CSTB: variants seen among roughly 807,000 people sequenced by gnomAD.
The protein encoded by CSTB is cystatin B.
CSTB carries 8 observed loss-of-function variants against 7.6 expected under a neutral mutation model. That is an observed-to-expected ratio of 1.05 (90% CI 0.62 to 1.89). CSTB has a LOEUF of 1.89. Among genes scored for constraint, CSTB ranks in the 40% most tolerant of loss-of-function variants. The pLI is 0.00. For missense variants in CSTB, 124 were observed against 126.4 expected (o/e 0.98, Z 0.09); for synonymous variants, 56 against 55.3 (o/e 1.01, Z -0.06).
In CSTB at chr21:43,776,294, G is replaced by A. The variant is rs2084010161; in HGVS notation, c.-25C>T. On this transcript the variant is annotated 5_prime_UTR_variant, in exon 1 of 3. Transcript: ENST00000291568. ...TCTTGGCGGCGACGGAGGGAATCTG[G>A]CGAGGGGACTCGGCGAGGGGACGCG... 5.3e-6 allele frequency: 8 copies of A among 1,522,720 alleles called. No individual in the cohort carries two copies. The highest frequency in any genetic ancestry group is 7.0e-6 in the Non-Finnish European group (8 of 1,135,506). 94.3% of individuals were successfully genotyped at this position (1,522,720 alleles called of 1,614,324 possible). A position where few individuals can be genotyped will look rare whatever the true frequency, so the allele number is the denominator to read the frequency against.
intron 1 of CSTB, chr21:43,775,263 C>T (rs2084004767): frequency 4.4e-6 from 1 of 228,926 alleles, no homozygotes; most frequent in East Asian, 1.1e-4. Context: ...TCGCCTGGAC[C>T]TGTTCTTGCT....
rs767258722 is a variant in CSTB at position 43,774,235 on chromosome 21, G to A, written c.264C>T (p.Asn88=). The part of the protein sequence containing the change: ...KPLTLSNYQT[N]KAKHDELTYF Reference sequence around the variant, plus strand: ...AGGTCAGCTCATCATGCTTGGCTTTGTTGGTCTGGTAGTTAGATAAGGTCA... The same window carrying A: ...AGGTCAGCTCATCATGCTTGGCTTTATTGGTCTGGTAGTTAGATAAGGTCA... Residue 88 remains asparagine (N), a synonymous_variant, in exon 3 of 3, where the codon AAC becomes AAT. Transcript: ENST00000291568. The A allele has an allele frequency of 1.4e-5, 22 of 1,614,110 alleles. No individual in the cohort carries two copies. The South Asian group carries it at 2.3e-4, about 17-fold the overall frequency.
chr21:43,775,658 G>C (rs1366876628), intron 1 of CSTB: 2 of 152,570 alleles, frequency 1.3e-5, no homozygotes, highest in Non-Finnish European at 2.9e-5. Context: ...CGAACTAGAT[G>C]AGGATATTGA....
chr21:43,775,627 T>A (rs919385880), intron 1 of CSTB: 1 of 152,348 alleles, frequency 6.6e-6, no homozygotes, highest in African/African-American at 2.4e-5. Context: ...CCTCTTGCAC[T>A]CTCTCTCATG....
chr21:43,774,113 G>C lies in CSTB; in HGVS notation c.*89C>G, dbSNP rs1437602567. ...CCAAGGGGCACAGCCCGGAGATGAA[G>C]CTTATTTTAGGATCACAAGTGCACG... On this transcript the variant is annotated 3_prime_UTR_variant, in exon 3 of 3. Coordinates refer to ENST00000291568, the MANE Select transcript of CSTB (RefSeq NM_000100.4). 1 of 1,574,834 alleles carries C rather than the reference G, an allele frequency of 6.3e-7. No individual in the cohort carries two copies. Among genetic ancestry groups the C allele is most frequent in the African/African-American group, 1.3e-5 (1 of 74,086 alleles).
intron 2 of CSTB, 134 bp from the exon 3 acceptor site, chr21:43,774,464 T>A: frequency 7.0e-7 from 1 of 1,434,942 alleles, no homozygotes; most frequent in East Asian, 2.3e-5. Flanking sequence ...ATCCCACACT[T>A]GTTTCCTTGG....
intron 1 of CSTB, 59 bp from the exon 2 acceptor site, chr21:43,774,818 G>C: frequency 7.8e-7 from 1 of 1,276,394 alleles, no homozygotes; most frequent in Middle Eastern, 1.9e-4. Flanking sequence ...CCTCCTGCTA[G>C]AGTAACTTGC....
chr21:43,775,230 A>C (rs13046607), intron 1 of CSTB: 129,903 of 243,972 alleles, frequency 0.53, 37,264 homozygotes, highest in South Asian at 0.74. Context: ...CAAAAACAAA[A>C]AAAAAAAACA....
chr21:43,775,155 G>A (rs1326532276), intron 1 of CSTB: 6 of 329,474 alleles, frequency 1.8e-5, no homozygotes, highest in Non-Finnish European at 3.0e-5. Flanking sequence ...CCTGGGAAGC[G>A]GAGGTTGCAG....
intron 1 of CSTB, chr21:43,775,005 C>T (rs2084003382): frequency 1.8e-6 from 1 of 542,160 alleles, no homozygotes; most frequent in Non-Finnish European, 3.3e-6. Context: ...GGGCGGATCA[C>T]TTGAGGTCAG....
At position 43,774,000 on chromosome 21, in the gene CSTB, G is replaced by C. The variant is rs900917625; in HGVS notation, c.*202C>G. ...TTGAAAATATTCTGAAAGTAATTAA[G>C]ATCACCTATTGGGAAGGAAAGAAAT... On this transcript the variant is annotated 3_prime_UTR_variant, in exon 3 of 3. Transcript: ENST00000291568. 9.5e-6 allele frequency: 6 copies of C among 631,596 alleles called. No individual in the cohort carries two copies. In the Admixed American group the frequency reaches 1.7e-4, roughly 18 times the overall value. 39.1% of individuals were successfully genotyped at this position (631,596 alleles called of 1,614,324 possible).
chr21:43,776,101 T>G (rs1254837367), intron 1 of CSTB, 103 bp downstream of exon 1: 1 of 1,109,214 alleles, frequency 9.0e-7, no homozygotes, highest in Non-Finnish European at 1.3e-6. Flanking sequence ...AGCCCAGGGG[T>G]GCGCAGCGGG....
At chr21:43,774,516 G>A (rs748279040) in intron 2 of CSTB, 142 bp downstream of exon 2, 44 of 1,130,392 alleles carry the variant, frequency 3.9e-5, no homozygotes, top group East Asian at 1.9e-4. Flanking sequence ...CTGAAAGGCC[G>A]ATGGACACAC....
chr21:43,775,115 C>T (rs758313880), intron 1 of CSTB: 1 of 357,392 alleles, frequency 2.8e-6, no homozygotes, highest in Non-Finnish European at 5.4e-6. Flanking sequence ...CCCAGCTACT[C>T]GGGAGGCTAA....
chr21:43,774,350 A>G lies in CSTB; in HGVS notation c.169-20T>C. 6.2e-7 allele frequency: 1 copy of G among 1,614,070 alleles called. No homozygotes were observed. Among genetic ancestry groups the G allele is most frequent in the Middle Eastern group, 1.7e-4 (1 of 6,056 alleles). ...GTGCACCTGGGAAGAGAGCGGAGTGAGCGAAGCCTCTGATCCCAAGTCACC... is the reference window on the plus strand; with the variant it reads ...GTGCACCTGGGAAGAGAGCGGAGTGGGCGAAGCCTCTGATCCCAAGTCACC... On this transcript the variant is annotated intron_variant, in intron 2 of 2. Coordinates refer to ENST00000291568, the MANE Select transcript of CSTB (RefSeq NM_000100.4).
In CSTB at chr21:43,776,281, C is replaced by T. The variant is rs779920568; in HGVS notation, c.-12G>A. The T allele has an allele frequency of 1.3e-4, 203 of 1,528,456 alleles. No homozygotes were observed. The highest frequency in any genetic ancestry group is 1.2e-3 in the Middle Eastern group (7 of 5,868). 94.7% of individuals were successfully genotyped at this position (1,528,456 alleles called of 1,614,324 possible). Reference sequence around the variant, plus strand: ...GCCCCGCACATCATCTTGGCGGCGACGGAGGGAATCTGGCGAGGGGACTCG... The same window carrying T: ...GCCCCGCACATCATCTTGGCGGCGATGGAGGGAATCTGGCGAGGGGACTCG... On this transcript the variant is annotated 5_prime_UTR_variant, in exon 1 of 3. Coordinates refer to ENST00000291568, the MANE Select transcript of CSTB (RefSeq NM_000100.4).
rs6379 is a variant in CSTB, at chr21:43,774,995, G to T, written c.67-236C>A. ...TCCCAGAACTTTGGGAGGCTGAGGTGGGCGGATCACTTGAGGTCAGGAGTT... is the reference window on the plus strand; with the variant it reads ...TCCCAGAACTTTGGGAGGCTGAGGTTGGCGGATCACTTGAGGTCAGGAGTT... On this transcript the variant is annotated intron_variant, in intron 1 of 2. Transcript: ENST00000291568. 9.7e-4 allele frequency: 544 copies of T among 561,218 alleles called. 10 individuals are homozygous for T. The East Asian group carries it at 0.016, about 16-fold the overall frequency. The allele number at this position is 561,218 out of a possible 1,614,324, so 34.8% of individuals were successfully genotyped here. A position where few individuals can be genotyped will look rare whatever the true frequency, so the allele number is the denominator to read the frequency against.
rs1307309722 is a variant in CSTB at position 43,774,867 on chromosome 21, T to C, written c.67-108A>G. 3.7e-6 allele frequency: 3 copies of C among 803,684 alleles called. No homozygotes were observed. In the African/African-American group the frequency reaches 5.0e-5, roughly 13 times the overall value. The allele number at this position is 803,684 out of a possible 1,614,324, so 49.8% of individuals were successfully genotyped here. ...CACACACGATTCTGACACTGGCTCT[T>C]CACACAATTGTCTCTTACAACTGAA... On this transcript the variant is annotated intron_variant, in intron 1 of 2. Coordinates refer to ENST00000291568, the MANE Select transcript of CSTB (RefSeq NM_000100.4).
In CSTB at chr21:43,774,316, G is replaced by A. The variant is rs772899788; in HGVS notation, c.183C>T (p.Asp61=). The A allele has an allele frequency of 4.3e-5, 70 of 1,614,072 alleles. No individual in the cohort carries two copies. Among genetic ancestry groups the A allele is most frequent in the African/African-American group, 1.7e-4 (13 of 74,942 alleles). Residue 61 remains aspartate (D), a synonymous_variant, in exon 3 of 3, where the codon GAC becomes GAT. Coordinates refer to ENST00000291568, the MANE Select transcript of CSTB (RefSeq NM_000100.4). ...ACACTCGCAGGTGTACGAAGTCCTC[G>A]TCGCCGACGTGCACCTGGGAAGAGA... ...TNYFIKVHVG[D]EDFVHLRVFQ... is the part of the protein sequence containing the mutation.
Sources: gnomAD v4.1 joint callset for allele counts on GRCh38, gnomAD v4.1.1 for gene constraint, MANE v1.5 for transcripts, NCBI Gene and HGNC (gene_info 2026-07-23, HGNC 2026-07-21) for gene names.